The following FAM241A variants were observed in gnomAD, a reference collection of about 807,000 sequenced individuals.
The protein encoded by FAM241A is family with sequence similarity 241 member A, also known as uncharacterized protein FAM241A.
A neutral mutation model predicts 12.2 loss-of-function variants in FAM241A; 7 were observed. The ratio of observed to expected loss-of-function variants is 0.58; its 90% CI spans 0.33 to 1.08. The LOEUF (loss-of-function observed/expected upper bound fraction) is 1.08, where lower values mean the gene tolerates loss of function less well. Among genes scored for constraint, FAM241A ranks in the 50% least tolerant of loss-of-function variants. The pLI is 0.04. For missense variants in FAM241A, 161 were observed against 169.7 expected (o/e 0.95, Z 0.29); for synonymous variants, 74 against 68.2 (o/e 1.08, Z -0.42).
intron 1 of FAM241A, among the ~76,000 whole-genome samples, chr4:112,163,398 A>G (rs1183532097): frequency 1.3e-5 from 2 of 152,166 alleles, no homozygotes; most frequent in Non-Finnish European, 2.9e-5. Flanking sequence ...GAAAAATTTT[A>G]CAATCTACCC....
At chr4:112,151,826 G>A (rs1193894609) in intron 1 of FAM241A, among the ~76,000 whole-genome samples, 1 of 152,166 alleles carries the variant, frequency 6.6e-6, no homozygotes, top group African/African-American at 2.4e-5. Context: ...GAGCAGACTA[G>A]AACCCAGGTT....
rs144760492 is a variant in FAM241A at position 112,184,919 on chromosome 4, T to C, written c.154-1774T>C. Among the ~76,000 whole-genome samples the C allele has an allele frequency of 2.9e-3, 441 of 152,316 alleles. 2 individuals carry two copies. Among genetic ancestry groups the C allele is most frequent in the Middle Eastern group, 6.8e-3 (2 of 294 alleles). On this transcript the variant is annotated intron_variant, in intron 1 of 1. Coordinates refer to ENST00000309733, the MANE Select transcript of FAM241A (RefSeq NM_152400.3). ...TCTACTAAAAGAATGTAAGTTTGAT[T>C]CAGATGTTTGAAGAATGTCTTAAAA...
rs1323379744 is a variant in FAM241A at position 112,187,398 on chromosome 4, A to G, written c.*460A>G. Reference sequence around the variant, plus strand: ...CACACTCCCCACCAAATAATCTCATATTATTTGGGAAATATTTGGATTTCA... The same window carrying G: ...CACACTCCCCACCAAATAATCTCATGTTATTTGGGAAATATTTGGATTTCA... On this transcript the variant is annotated 3_prime_UTR_variant, in exon 2 of 2. Coordinates refer to ENST00000309733, the MANE Select transcript of FAM241A (RefSeq NM_152400.3). The G allele has an allele frequency of 6.5e-6, 1 of 153,918 alleles. No individual in the cohort carries two copies. Among genetic ancestry groups the G allele is most frequent in the Non-Finnish European group, 1.4e-5 (1 of 69,000 alleles). 9.5% of individuals were successfully genotyped at this position (153,918 alleles called of 1,614,324 possible).
In FAM241A at chr4:112,189,759, G is replaced by C. The variant is rs1724126661; in HGVS notation, c.*2821G>C. Reference sequence around the variant, plus strand: ...AGAGCCAACTGTGAACATTTTTTCTGCCTTCAGTGCTGTCAAGTTGGTAGT... The same window carrying C: ...AGAGCCAACTGTGAACATTTTTTCTCCCTTCAGTGCTGTCAAGTTGGTAGT... On this transcript the variant is annotated 3_prime_UTR_variant, in exon 2 of 2. Coordinates refer to ENST00000309733, the MANE Select transcript of FAM241A (RefSeq NM_152400.3). The C allele has an allele frequency of 6.6e-6, 1 of 152,094 alleles. No individual in the cohort carries two copies. The highest frequency in any genetic ancestry group is 6.5e-5 in the Admixed American group (1 of 15,280). 9.4% of individuals were successfully genotyped at this position (152,094 alleles called of 1,614,324 possible). A position where few individuals can be genotyped will look rare whatever the true frequency, so the allele number is the denominator to read the frequency against.
chr4:112,168,359 T>A (rs978238203), intron 1 of FAM241A, among the ~76,000 whole-genome samples: 1 of 152,170 alleles, frequency 6.6e-6, no homozygotes, highest in African/African-American at 2.4e-5. Flanking sequence ...TTAATAGATA[T>A]TTCATTTCAT....
intron 1 of FAM241A, 40 bp downstream of exon 1, chr4:112,145,773 G>T: frequency 8.8e-7 from 1 of 1,136,826 alleles, no homozygotes; most frequent in South Asian, 4.3e-5. Context: ...GGCCGGGTCG[G>T]GGGCCGCGAG....
intron 1 of FAM241A, among the ~76,000 whole-genome samples, chr4:112,173,608 C>T (rs368160854): frequency 6.6e-6 from 1 of 152,234 alleles, no homozygotes; most frequent in South Asian, 2.1e-4. Flanking sequence ...ATATTTAAAG[C>T]CTTTTTTTAA....
At chr4:112,150,368 T>A (rs904104209) in intron 1 of FAM241A, among the ~76,000 whole-genome samples, 22 of 152,216 alleles carry the variant, frequency 1.4e-4, no homozygotes, top group Non-Finnish European at 7.3e-5. Context: ...GCCATCTTTC[T>A]AAATTTTTAT....
intron 1 of FAM241A, among the ~76,000 whole-genome samples, chr4:112,174,748 A>T (rs1723786209): frequency 6.6e-6 from 1 of 152,204 alleles, no homozygotes; most frequent in Admixed American, 6.5e-5. Flanking sequence ...TTATGGTAGG[A>T]TACGGGGTAG....
At chr4:112,153,839 A>G (rs1044462352) in intron 1 of FAM241A, among the ~76,000 whole-genome samples, 18 of 152,252 alleles carry the variant, frequency 1.2e-4, no homozygotes, top group African/African-American at 3.6e-4. Flanking sequence ...ATAAAGGATA[A>G]AATTATCATT....
intron 1 of FAM241A, among the ~76,000 whole-genome samples, chr4:112,184,526 CAAA>C (rs202092078): frequency 2.7e-5 from 4 of 146,842 alleles, no homozygotes; most frequent in African/African-American, 7.5e-5. Flanking sequence ...GAAACTGTCT[CAAA>C]AAAAAAAATT....
At chr4:112,171,656 G>A (rs1723722874) in intron 1 of FAM241A, 2 of 478,730 alleles carry the variant, frequency 4.2e-6, no homozygotes, top group Middle Eastern at 6.2e-4. Flanking sequence ...TTAGGAGATC[G>A]AGACTATCCT....
At position 112,188,780 on chromosome 4, in the gene FAM241A, A is replaced by G. The variant is rs1342113471; in HGVS notation, c.*1842A>G. The G allele has an allele frequency of 6.6e-6, 1 of 152,184 alleles. No homozygotes were observed. The highest frequency in any genetic ancestry group is 1.5e-5 in the Non-Finnish European group (1 of 68,026). The allele number at this position is 152,184 out of a possible 1,614,324, so 9.4% of individuals were successfully genotyped here. A position where few individuals can be genotyped will look rare whatever the true frequency, so the allele number is the denominator to read the frequency against. ...AAATAACAGCTCTGGTTCCACCAGT[A>G]CCTAATGTTGAAAACATTTTTAAAG... On this transcript the variant is annotated 3_prime_UTR_variant, in exon 2 of 2. Transcript: ENST00000309733.
rs375667207 is a variant in FAM241A at position 112,176,879 on chromosome 4, T to C, written c.154-9814T>C. Among the ~76,000 whole-genome samples the C allele has an allele frequency of 5.3e-5, 8 of 152,286 alleles. 1 individual carries two copies. The highest frequency in any genetic ancestry group is 1.7e-4 in the African/African-American group (7 of 41,564). On this transcript the variant is annotated intron_variant, in intron 1 of 1. Coordinates refer to ENST00000309733, the MANE Select transcript of FAM241A (RefSeq NM_152400.3). The stretch of plus-strand genomic sequence containing the variant: ...GGACCTCACATACAAAGAATAAATT[T>C]TGGCAAAGACAAAAGTGATTAACGA...
At position 112,175,536 on chromosome 4, in the gene FAM241A, G is replaced by A. The variant is rs180795602; in HGVS notation, c.154-11157G>A. On this transcript the variant is annotated intron_variant, in intron 1 of 1. Transcript: ENST00000309733. ...TACTCCCAGCAATTTGGGAGGCTGA[G>A]GTGGGTGGATAACCTGAGGTCAGGA... Among the ~76,000 whole-genome samples, 3 of 152,288 alleles carry A rather than the reference G, an allele frequency of 2.0e-5. No individual in the cohort carries two copies. In the East Asian group the frequency reaches 5.8e-4, roughly 29 times the overall value.
intron 1 of FAM241A, among the ~76,000 whole-genome samples, chr4:112,153,229 C>T (rs1219513162): frequency 6.6e-6 from 1 of 152,074 alleles, no homozygotes; most frequent in Non-Finnish European, 1.5e-5. Flanking sequence ...CCCCTTGTTG[C>T]TCACTAATCC....
chr4:112,192,245 T>C lies in FAM241A; in HGVS notation c.*5307T>C, dbSNP rs972835385. ...CACTATTTTTCCAAAAAGGATATTT[T>C]ACAATACCTACGGTCACTGATACTA... On this transcript the variant is annotated 3_prime_UTR_variant, in exon 2 of 2. Transcript: ENST00000309733. 2 of 152,200 alleles carry C rather than the reference T, an allele frequency of 1.3e-5. No homozygotes were observed. Among genetic ancestry groups the C allele is most frequent in the Non-Finnish European group, 2.9e-5 (2 of 68,032 alleles). 9.4% of individuals were successfully genotyped at this position (152,200 alleles called of 1,614,324 possible).
intron 1 of FAM241A, among the ~76,000 whole-genome samples, chr4:112,154,194 G>T (rs749272849): frequency 1.3e-5 from 2 of 152,170 alleles, no homozygotes; most frequent in African/African-American, 4.8e-5. Context: ...GAGAAGGAAA[G>T]TCATTTTTCA....
intron 1 of FAM241A, chr4:112,171,662 A>G: frequency 2.1e-6 from 1 of 467,748 alleles, no homozygotes; most frequent in South Asian, 2.1e-5. Context: ...GATCGAGACT[A>G]TCCTGGCTAA....
Sources: allele counts gnomAD v4.1 joint callset (sites outside exome capture counted in the v4.1 genomes callset), GRCh38; gene constraint gnomAD v4.1.1; transcripts MANE v1.5; gene names NCBI Gene and HGNC (gene_info 2026-07-23, HGNC 2026-07-21).